ZMYM6: variants seen among roughly 807,000 people sequenced by gnomAD.
ZMYM6 encodes zinc finger MYM-type protein 6.
ZMYM6 carries 90 observed loss-of-function variants against 134.0 expected under a neutral mutation model. That is an observed-to-expected ratio of 0.67 (90% CI 0.57 to 0.80). The LOEUF is 0.80. Ranked by LOEUF, ZMYM6 falls within the 30% of genes least tolerant of loss-of-function variation. The pLI, the probability that ZMYM6 is intolerant of heterozygous loss-of-function variation, is 0.00. For synonymous variants in ZMYM6, 481 were observed against 524.1 expected (o/e 0.92, Z 1.12); for missense variants, 1,362 against 1,533.9 (o/e 0.89, Z 1.87).
intron 7 of ZMYM6, 43 bp downstream of exon 7, chr1:35,012,388 C>T: frequency 7.2e-7 from 1 of 1,391,998 alleles, no homozygotes; most frequent in Middle Eastern, 2.3e-4. Flanking sequence ...CGTTTTTCTT[C>T]AATAGTTATT....
chr1:35,000,236 TTTTTTTTTTC>T lies in ZMYM6; in HGVS notation c.1992+3722_1992+3731del, dbSNP rs1640856777. On this transcript the variant is annotated intron_variant, in intron 14 of 15. Transcript: ENST00000357182. ...GAGCCACCACACTTCGCCCCAGAGA[TTTTTTTTTTC>T]TTTTTTTTTGTTTTTGAGACAGGGT... Among the ~76,000 whole-genome samples, 4 of 130,082 alleles carry T rather than the reference TTTTTTTTTTC, an allele frequency of 3.1e-5. No individual in the cohort carries two copies. In the South Asian group the frequency reaches 6.6e-4, roughly 21 times the overall value. 85.3% of individuals were successfully genotyped at this position (130,082 alleles called of 152,430 possible).
At chr1:35,024,429 T>G (rs535869722) in intron 2 of ZMYM6, among the ~76,000 whole-genome samples, 1 of 152,324 alleles carries the variant, frequency 6.6e-6, no homozygotes, top group East Asian at 1.9e-4. Flanking sequence ...ACCACTTGAA[T>G]GTCCCACAAG....
intron 14 of ZMYM6, among the ~76,000 whole-genome samples, chr1:35,003,656 A>C (rs1462658635): frequency 6.6e-6 from 1 of 152,254 alleles, no homozygotes; most frequent in Non-Finnish European, 1.5e-5. Context: ...ATTCTTACTA[A>C]TGATCTAAGA....
chr1:35,011,081 A>C (rs573228592), intron 8 of ZMYM6, 45 bp from the exon 9 acceptor site: 1 of 1,565,800 alleles, frequency 6.4e-7, no homozygotes, highest in East Asian at 2.2e-5. Flanking sequence ...ACTGAGAAAT[A>C]AGATAACTTT....
intron 2 of ZMYM6, among the ~76,000 whole-genome samples, chr1:35,029,391 T>G (rs61674548): frequency 0.037 from 5,640 of 152,228 alleles, 339 homozygotes; most frequent in African/African-American, 0.13. Context: ...TGTGGTAAAC[T>G]ATTTGGCTTT....
chr1:35,002,700 T>G (rs2148448576), intron 14 of ZMYM6, among the ~76,000 whole-genome samples: 1 of 152,332 alleles, frequency 6.6e-6, no homozygotes, highest in Non-Finnish European at 1.5e-5. Flanking sequence ...GCATGAGATA[T>G]CACAGCAGTG....
At chr1:35,012,920 A>G in intron 6 of ZMYM6, 3 of 985,226 alleles carry the variant, frequency 3.0e-6, no homozygotes, top group Non-Finnish European at 3.6e-6. Flanking sequence ...CATTCTTGGT[A>G]TAGTCTTGTA....
chr1:35,027,004 C>A (rs1641426126), intron 2 of ZMYM6, among the ~76,000 whole-genome samples: 6 of 151,708 alleles, frequency 4.0e-5, no homozygotes, highest in Admixed American at 3.9e-4. Flanking sequence ...TTGCACTATA[C>A]AATTAAAAAA....
chr1:35,005,443 T>C (rs915700830), intron 12 of ZMYM6, among the ~76,000 whole-genome samples, 171 bp from the exon 13 acceptor site: 3 of 152,098 alleles, frequency 2.0e-5, no homozygotes, highest in African/African-American at 7.2e-5. Context: ...TAGTGTTCTT[T>C]AGGACTTAAA....
At position 34,986,267 on chromosome 1, in the gene ZMYM6, C is replaced by G. The variant is rs1044905103; in HGVS notation, c.*837G>C. On this transcript the variant is annotated 3_prime_UTR_variant, in exon 16 of 16. Coordinates refer to ENST00000357182, the MANE Select transcript of ZMYM6 (RefSeq NM_007167.4). ...CAACTGCAGAATTGAGTAGTTGTGA[C>G]AGTATGGCCTGCAAAGCTGAAAATA... 1 of 152,170 alleles carries G rather than the reference C, an allele frequency of 6.6e-6. No homozygotes were observed. The highest frequency in any genetic ancestry group is 1.5e-5 in the Non-Finnish European group (1 of 68,036). 9.4% of individuals were successfully genotyped at this position (152,170 alleles called of 1,614,324 possible).
intron 13 of ZMYM6, among the ~76,000 whole-genome samples, chr1:35,004,324 T>G (rs1470310399): frequency 1.3e-5 from 2 of 152,110 alleles, no homozygotes; most frequent in Non-Finnish European, 2.9e-5. Context: ...CCTGCCTGAT[T>G]AAAAAGAAAA....
At position 35,031,928 on chromosome 1, in the gene ZMYM6, G is replaced by A. The variant is rs7552070; in HGVS notation, c.-188C>T. 36,141 of 152,286 alleles carry A rather than the reference G, an allele frequency of 0.24. 10,472 individuals are homozygous for A. Among genetic ancestry groups the A allele is most frequent in the African/African-American group, 0.69 (28,382 of 41,426 alleles). The allele number at this position is 152,286 out of a possible 1,614,324, so 9.4% of individuals were successfully genotyped here. A position where few individuals can be genotyped will look rare whatever the true frequency, so the allele number is the denominator to read the frequency against. Reference sequence around the variant, plus strand: ...TCCGCCTGATCCATCCCAACGCAACGACCGGCCAACCACGCCTGCGCAGCC... The same window carrying A: ...TCCGCCTGATCCATCCCAACGCAACAACCGGCCAACCACGCCTGCGCAGCC... On this transcript the variant is annotated 5_prime_UTR_variant, in exon 1 of 16. Transcript: ENST00000357182.
intron 14 of ZMYM6, among the ~76,000 whole-genome samples, chr1:35,001,947 T>A (rs908242248): frequency 1.3e-5 from 2 of 152,212 alleles, no homozygotes; most frequent in Non-Finnish European, 2.9e-5. Context: ...TTTTTATCAC[T>A]GAGGATTTCT....
intron 2 of ZMYM6, 30 bp downstream of exon 2, chr1:35,030,517 T>C (rs561061086): frequency 6.3e-7 from 1 of 1,576,712 alleles, no homozygotes; most frequent in Non-Finnish European, 8.5e-7. Context: ...GGAATTTTTT[T>C]AAATTTTTAA....
Position 35,014,798 on chromosome 1 carries a change from T to C in ZMYM6, c.694A>G (p.Met232Val). 1.2e-6 allele frequency: 2 copies of C among 1,614,240 alleles called. No homozygotes were observed. Among genetic ancestry groups the C allele is most frequent in the East Asian group, 2.2e-5 (1 of 44,882 alleles). Reference sequence around the variant, plus strand: ...CTCCCACAGTTCTCACAACAGTTCATGGTGAGGTTGTTTGTAGAGTGAAAT... The same window carrying C: ...CTCCCACAGTTCTCACAACAGTTCACGGTGAGGTTGTTTGTAGAGTGAAAT... ...SKFHSTNNLT[M>V]NCCENCGSYC... The change falls in exon 6 of 16, where the codon ATG (methionine) becomes GTG (valine). Residue 232 changes from methionine (M) to valine (V), a missense_variant. Around this residue, in one of 3 missense-constraint regions of ZMYM6, gnomAD observed 503 missense variants for 520.8 expected, o/e 0.97. Coordinates refer to ENST00000357182, the MANE Select transcript of ZMYM6 (RefSeq NM_007167.4).
At chr1:35,001,677 T>C (rs1031697768) in intron 14 of ZMYM6, among the ~76,000 whole-genome samples, 1 of 152,208 alleles carries the variant, frequency 6.6e-6, no homozygotes, top group Non-Finnish European at 1.5e-5. Context: ...TTTTAAAATA[T>C]AATTTAATGC....
chr1:34,986,991 A>T lies in ZMYM6; in HGVS notation c.*113T>A. ...CCTCAACAAAAAGGGAAAAATTATTAAAACATTTAATCACTGAAAACACAA... is the reference window on the plus strand; with the variant it reads ...CCTCAACAAAAAGGGAAAAATTATTTAAACATTTAATCACTGAAAACACAA... On this transcript the variant is annotated 3_prime_UTR_variant, in exon 16 of 16. Coordinates refer to ENST00000357182, the MANE Select transcript of ZMYM6 (RefSeq NM_007167.4). 1.4e-6 allele frequency: 1 copy of T among 704,588 alleles called. No individual in the cohort carries two copies. The highest frequency in any genetic ancestry group is 2.1e-6 in the Non-Finnish European group (1 of 475,584). The allele number at this position is 704,588 out of a possible 1,614,324, so 43.6% of individuals were successfully genotyped here.
At chr1:35,023,873 C>T (rs1386592103) in intron 2 of ZMYM6, among the ~76,000 whole-genome samples, 2 of 151,916 alleles carry the variant, frequency 1.3e-5, no homozygotes, top group Admixed American at 6.6e-5. Context: ...CTGCCCGTCT[C>T]GGCCTCCCAA....
intron 1 of ZMYM6, chr1:35,031,551 C>G (rs1641524971): frequency 6.6e-6 from 1 of 152,256 alleles, no homozygotes; most frequent in African/African-American, 2.4e-5. Flanking sequence ...TACGGGCGCT[C>G]ATCCCTCCTC....
Sources: gnomAD v4.1 joint callset for allele counts (sites outside exome capture counted in the v4.1 genomes callset) on GRCh38, gnomAD v4.1.1 for gene constraint, gnomAD v4.1.1 regional missense constraint, MANE v1.5 for transcripts, NCBI Gene and HGNC (gene_info 2026-07-23, HGNC 2026-07-21) for gene names.